COL22A1: variants seen among roughly 807,000 people sequenced by gnomAD.
COL22A1 encodes the protein collagen type XXII alpha 1 chain, also known as collagen alpha-1(XXII) chain.
In COL22A1, 221 loss-of-function variants were observed where a neutral mutation model predicts 248.9. That is an observed-to-expected ratio of 0.89 (90% confidence interval 0.80 to 0.99). The LOEUF (loss-of-function observed/expected upper bound fraction) is 0.99, where lower values mean the gene tolerates loss of function less well. COL22A1 is among the 50% of genes least tolerant of loss of function. The pLI is 0.00. For missense variants in COL22A1, 2,240 were observed against 2,179.0 expected (o/e 1.03, Z -0.56); for synonymous variants, 891 against 793.4 (o/e 1.12, Z -2.07).
At chr8:138,595,702 A>G (rs1319938342) in intron 62 of COL22A1, among the ~76,000 whole-genome samples, 1 of 151,988 alleles carries the variant, frequency 6.6e-6, no homozygotes, top group Non-Finnish European at 1.5e-5. Context: ...CCAAGAGGAC[A>G]GGAAGGAGGG....
intron 14 of COL22A1, 77 bp from the exon 15 acceptor site, chr8:138,778,483 C>T (rs1814678098): frequency 7.5e-7 from 1 of 1,342,068 alleles, no homozygotes; most frequent in Non-Finnish European, 1.0e-6. Context: ...CTCAGCCAGT[C>T]CCACGTTTGG....
chr8:138,700,836 T>G (rs1827900286), intron 31 of COL22A1, among the ~76,000 whole-genome samples: 1 of 151,862 alleles, frequency 6.6e-6, no homozygotes, highest in African/African-American at 2.4e-5. Flanking sequence ...ATACAAAAAA[T>G]TAGCTAGGCG....
At chr8:138,607,621 C>T (rs551433160) in intron 57 of COL22A1, among the ~76,000 whole-genome samples, 1 of 151,966 alleles carries the variant, frequency 6.6e-6, no homozygotes, top group Admixed American at 6.6e-5. Flanking sequence ...ATCCTCCCAT[C>T]CTCTGGAAAC....
chr8:138,609,067 C>T (rs1001070787), intron 56 of COL22A1, among the ~76,000 whole-genome samples: 8 of 152,206 alleles, frequency 5.3e-5, no homozygotes, highest in Admixed American at 2.0e-4. Context: ...TTCACAAATG[C>T]GTTGGATTCA....
intron 39 of COL22A1, among the ~76,000 whole-genome samples, chr8:138,681,628 T>A (rs1490833507): frequency 6.6e-6 from 1 of 152,112 alleles, no homozygotes; most frequent in African/African-American, 2.4e-5. Flanking sequence ...GCACTGCAGA[T>A]CGGACTGGGC....
chr8:138,823,208 A>C (rs1041232507), intron 6 of COL22A1, among the ~76,000 whole-genome samples: 2 of 152,244 alleles, frequency 1.3e-5, no homozygotes, highest in Non-Finnish European at 2.9e-5. Flanking sequence ...TAATTTAATT[A>C]ATGAATTGTC....
intron 44 of COL22A1, among the ~76,000 whole-genome samples, chr8:138,656,423 C>T (rs191943674): frequency 2.1e-4 from 32 of 152,296 alleles, no homozygotes; most frequent in South Asian, 1.9e-3. Context: ...GCATTTTACA[C>T]GTCATTTGTC....
chr8:138,620,811 C>T (rs1413989835), intron 52 of COL22A1, among the ~76,000 whole-genome samples: 1 of 152,230 alleles, frequency 6.6e-6, no homozygotes, highest in Non-Finnish European at 1.5e-5. Context: ...AGAGTCTGCA[C>T]TTCATCCTAC....
intron 3 of COL22A1, among the ~76,000 whole-genome samples, chr8:138,869,474 G>T (rs372975221): frequency 1.3e-5 from 2 of 152,240 alleles, no homozygotes; most frequent in East Asian, 3.9e-4. Flanking sequence ...TCTAATACAT[G>T]GGTCGTACAG....
intron 18 of COL22A1, among the ~76,000 whole-genome samples, chr8:138,757,535 C>T (rs1318127614): frequency 6.6e-6 from 1 of 152,176 alleles, no homozygotes; most frequent in Non-Finnish European, 1.5e-5. Flanking sequence ...TAATTACTCT[C>T]AACTCACCAT....
At chr8:138,833,947 G>GT (rs1434759973) in intron 4 of COL22A1, among the ~76,000 whole-genome samples, 1 of 152,188 alleles carries the variant, frequency 6.6e-6, no homozygotes, top group African/African-American at 2.4e-5. Context: ...TGATAATTGT[G>GT]TAAGACCCTA....
intron 7 of COL22A1, among the ~76,000 whole-genome samples, chr8:138,815,749 C>T (rs894758928): frequency 2.0e-5 from 3 of 152,172 alleles, no homozygotes; most frequent in African/African-American, 7.2e-5. Context: ...GCCGTACAAT[C>T]GATGGCTGGG....
At chr8:138,683,724 G>T (rs541808447) in intron 39 of COL22A1, among the ~76,000 whole-genome samples, 1 of 152,070 alleles carries the variant, frequency 6.6e-6, no homozygotes, top group Non-Finnish European at 1.5e-5. Flanking sequence ...GTGTGGATCA[G>T]AACTCCCCAC....
At chr8:138,852,778 G>T (rs1354845906) in intron 3 of COL22A1, among the ~76,000 whole-genome samples, 1 of 151,986 alleles carries the variant, frequency 6.6e-6, no homozygotes, top group Non-Finnish European at 1.5e-5. Context: ...AGGGAGGTCC[G>T]CAGTGTATGT....
chr8:138,724,678 G>T lies in COL22A1; in HGVS notation c.2194-10C>A. 6.2e-7 allele frequency: 1 copy of T among 1,613,518 alleles called. No homozygotes were observed. Among genetic ancestry groups the T allele is most frequent in the Non-Finnish European group, 8.5e-7 (1 of 1,179,412 alleles). On this transcript the variant is annotated splice_polypyrimidine_tract_variant and intron_variant, in intron 24 of 64. Coordinates refer to ENST00000303045, the MANE Select transcript of COL22A1 (RefSeq NM_152888.3). ...TCTCTCCAGGCAAACCCTGAAAGGG[G>T]ACCACATGGACCCTGTTAGCCTGGC...
At chr8:138,659,311 A>G (rs1041105343) in intron 44 of COL22A1, among the ~76,000 whole-genome samples, 2 of 152,156 alleles carry the variant, frequency 1.3e-5, no homozygotes, top group Non-Finnish European at 2.9e-5. Flanking sequence ...GTGCCCGCCA[A>G]CTGAGATAAG....
rs959179354 is a variant in COL22A1, at chr8:138,756,992, C to T, written c.1903-1163G>A. Among the ~76,000 whole-genome samples the T allele has an allele frequency of 2.6e-5, 4 of 152,282 alleles. 1 individual carries two copies. The highest frequency in any genetic ancestry group is 1.5e-5 in the Non-Finnish European group (1 of 68,030). On this transcript the variant is annotated intron_variant, in intron 18 of 64. Coordinates refer to ENST00000303045, the MANE Select transcript of COL22A1 (RefSeq NM_152888.3). ...GAGAAATCGAGTCCTGCCTCAGAAA[C>T]GCTTCTCTATTCTGTTTTATTCTCT...
chr8:138,755,738 A>T (rs1191696156), intron 19 of COL22A1, 47 bp downstream of exon 19: 1 of 1,598,648 alleles, frequency 6.3e-7, no homozygotes, highest in Non-Finnish European at 8.6e-7. Context: ...CCAACCACCC[A>T]ATCCCACCAG....
chr8:138,896,479 A>T (rs1202590212), intron 1 of COL22A1, among the ~76,000 whole-genome samples: 1 of 152,208 alleles, frequency 6.6e-6, no homozygotes, highest in Non-Finnish European at 1.5e-5. Flanking sequence ...AAAAATACTC[A>T]ATAAAGATAT....
Sources: gnomAD v4.1 joint callset for allele counts (sites outside exome capture counted in the v4.1 genomes callset) on GRCh38, gnomAD v4.1.1 for gene constraint, MANE v1.5 for transcripts, NCBI Gene and HGNC (gene_info 2026-07-23, HGNC 2026-07-21) for gene names.